Variants in DNAH8 observed in about 807,000 individuals in gnomAD.
The protein encoded by DNAH8 is dynein axonemal heavy chain 8, also known as axonemal beta dynein heavy chain 8.
DNAH8 carries 382 observed loss-of-function variants against 562.1 expected under a neutral mutation model. The ratio of observed to expected loss-of-function variants is 0.68; its 90% CI spans 0.63 to 0.74. The LOEUF (loss-of-function observed/expected upper bound fraction) is 0.74, where lower values mean the gene tolerates loss of function less well. Among genes scored for constraint, DNAH8 ranks in the 30% least tolerant of loss-of-function variants. The probability of loss-of-function intolerance (pLI) is 0.00; values close to 1 mark genes in which losing one functional copy is unlikely to be tolerated. For missense variants in DNAH8, 5,203 were observed against 5,620.4 expected (o/e 0.93, Z 2.37); for synonymous variants, 1,881 against 1,919.4 (o/e 0.98, Z 0.52).
At chr6:39,016,583 T>C (rs1484075633) in intron 91 of DNAH8, among the ~76,000 whole-genome samples, 2 of 151,672 alleles carry the variant, frequency 1.3e-5, no homozygotes, top group Non-Finnish European at 2.9e-5. Context: ...GCCCTACATA[T>C]TTAAGTAAAA....
At chr6:38,855,872 G>A (rs552370166) in intron 41 of DNAH8, among the ~76,000 whole-genome samples, 23 of 152,256 alleles carry the variant, frequency 1.5e-4, no homozygotes, top group Admixed American at 5.9e-4. Flanking sequence ...GGCGGCATGA[G>A]ATTCTCAGAG....
chr6:38,969,683 G>T (rs1378886257), intron 82 of DNAH8, among the ~76,000 whole-genome samples: 121 of 139,466 alleles, frequency 8.7e-4, no homozygotes, highest in African/African-American at 2.7e-3. Context: ...GGATAGGGGG[G>T]TGGTGAGATA....
At chr6:38,966,632 A>G (rs2150678232) in intron 82 of DNAH8, among the ~76,000 whole-genome samples, 1 of 152,318 alleles carries the variant, frequency 6.6e-6, no homozygotes, top group South Asian at 2.1e-4. Context: ...ATTATACACT[A>G]TGACCAAGTG....
At chr6:39,004,073 G>A (rs1765650379) in intron 88 of DNAH8, among the ~76,000 whole-genome samples, 1 of 151,526 alleles carries the variant, frequency 6.6e-6, no homozygotes, top group South Asian at 2.1e-4. Flanking sequence ...TTCTTATTTT[G>A]GTCTAAAATT....
intron 92 of DNAH8, among the ~76,000 whole-genome samples, chr6:39,026,955 T>C (rs1400761952): frequency 6.6e-6 from 1 of 152,208 alleles, no homozygotes. Flanking sequence ...GTGCGGTGGC[T>C]CATGCCTATA....
intron 66 of DNAH8, among the ~76,000 whole-genome samples, chr6:38,913,623 G>A (rs771061950): frequency 2.6e-5 from 4 of 152,074 alleles, no homozygotes; most frequent in Admixed American, 6.6e-5. Context: ...ATGTAGCTAC[G>A]TGATATTCTT....
At chr6:38,892,120 G>A (rs1315202388) in intron 58 of DNAH8, among the ~76,000 whole-genome samples, 2 of 152,088 alleles carry the variant, frequency 1.3e-5, no homozygotes, top group African/African-American at 2.4e-5. Flanking sequence ...CCTCATTAAA[G>A]TCCCCCTTCT....
intron 41 of DNAH8, among the ~76,000 whole-genome samples, chr6:38,855,508 T>C (rs947506938): frequency 5.3e-5 from 8 of 152,324 alleles, no homozygotes; most frequent in Middle Eastern, 3.4e-3. Flanking sequence ...CTTTGTTCTT[T>C]TTTTAAATTG....
At chr6:38,718,766 C>G (rs971650121) in intron 1 of DNAH8, among the ~76,000 whole-genome samples, 1 of 152,186 alleles carries the variant, frequency 6.6e-6, no homozygotes, top group African/African-American at 2.4e-5. Context: ...TGTATAAAAA[C>G]CACATTTATT....
chr6:38,818,778 G>A (rs1048854825), intron 26 of DNAH8, among the ~76,000 whole-genome samples: 2 of 152,168 alleles, frequency 1.3e-5, no homozygotes, highest in African/African-American at 4.8e-5. Flanking sequence ...GGTAAACCTG[G>A]TCTGTATTCT....
rs1761706683 is a variant in DNAH8 at position 38,949,471 on chromosome 6, G to A, written c.12149G>A (p.Gly4050Glu). The A allele has an allele frequency of 1.2e-6, 2 of 1,611,286 alleles. No homozygotes were observed. The highest frequency in any genetic ancestry group is 1.7e-6 in the Non-Finnish European group (2 of 1,177,586). Residue 4050 changes from glycine to glutamate, a missense_variant, in exon 81 of 93, where the codon GGG becomes GAG. By Grantham distance (98) the Gly-to-Glu change is moderately conservative (BLOSUM62 -2). This residue lies in a region of DNAH8 where 1,399 missense variants were observed against 1,518.4 expected (regional missense o/e 0.92). Coordinates refer to ENST00000327475, the MANE Select transcript of DNAH8 (RefSeq NM_001206927.2). ...TTTTAGATATCTCGTAATGAGAAGGGGTGGAAAAGCTGGTTTGATAAAGAT... is the reference window on the plus strand; with the variant it reads ...TTTTAGATATCTCGTAATGAGAAGGAGTGGAAAAGCTGGTTTGATAAAGAT... ...IMNQISRNEK[G>E]WKSWFDKDAP...
At chr6:39,009,502 C>G (rs1412794260) in intron 89 of DNAH8, among the ~76,000 whole-genome samples, 1 of 152,074 alleles carries the variant, frequency 6.6e-6, no homozygotes, top group African/African-American at 2.4e-5. Context: ...ACCCTGTTAC[C>G]AATCTGAAGT....
intron 33 of DNAH8, among the ~76,000 whole-genome samples, chr6:38,840,889 G>T (rs942353831): frequency 6.6e-6 from 1 of 152,074 alleles, no homozygotes; most frequent in African/African-American, 2.4e-5. Context: ...TAAGAAGCCT[G>T]GAGGATGATG....
At position 38,866,669 on chromosome 6, in the gene DNAH8, G is replaced by T. The variant is rs746359026; in HGVS notation, c.6577G>T (p.Asp2193Tyr). ...TAGAACTGTTGCTATGATGGTTCCTGATAGACAGGTATGCACTAGGATTTA... is the reference window on the plus strand; with the variant it reads ...TAGAACTGTTGCTATGATGGTTCCTTATAGACAGGTATGCACTAGGATTTA... ...QFRTVAMMVP[D>Y]RQIIMRVKLA... Residue 2193 changes from aspartate to tyrosine, a missense_variant, in exon 46 of 93, where the codon GAT becomes TAT. By Grantham distance (160) the Asp-to-Tyr change is radical. Around this residue, in one of 6 missense-constraint regions of DNAH8, gnomAD observed 2,176 missense variants for 2,365.1 expected, o/e 0.92. Transcript: ENST00000327475. 1 of 1,612,022 alleles carries T rather than the reference G, an allele frequency of 6.2e-7. No individual in the cohort carries two copies. Among genetic ancestry groups the T allele is most frequent in the Non-Finnish European group, 8.5e-7 (1 of 1,179,212 alleles).
intron 82 of DNAH8, among the ~76,000 whole-genome samples, chr6:38,957,618 C>T (rs897946083): frequency 6.6e-6 from 1 of 151,380 alleles, no homozygotes; most frequent in Non-Finnish European, 1.5e-5. Context: ...AAACTGGAAA[C>T]CTACCAAGTA....
rs750357851 is a variant in DNAH8 at position 38,926,201 on chromosome 6, T to C, written c.11109T>C (p.Asn3703=). Residue 3703 remains asparagine, a synonymous_variant, in exon 74 of 93, where the codon AAT becomes AAC. Transcript: ENST00000327475. ...GGATTAAATCAAAGGAAAAAGAAAA[T>C]GATTTACAGGTATGTAGCATTTGGT... The part of the protein sequence containing the change: ...KTWIKSKEKE[N]DLQVTSLNHK... 2 of 1,613,274 alleles carry C rather than the reference T, an allele frequency of 1.2e-6. No individual in the cohort carries two copies. The highest frequency in any genetic ancestry group is 1.1e-5 in the South Asian group (1 of 90,992).
At chr6:38,822,766 C>T in intron 26 of DNAH8, 72 bp from the exon 27 acceptor site, 5 of 1,131,758 alleles carry the variant, frequency 4.4e-6, no homozygotes, top group Middle Eastern at 3.1e-4. Flanking sequence ...AAAAGAATCA[C>T]AAATATTAAA....
At chr6:38,903,662 G>A (rs1351156164) in intron 62 of DNAH8, among the ~76,000 whole-genome samples, 2 of 144,112 alleles carry the variant, frequency 1.4e-5, no homozygotes, top group South Asian at 2.2e-4. Context: ...ACACAGGCTG[G>A]AGTGCAGTGG....
chr6:38,890,906 AC>A lies in DNAH8; in HGVS notation c.8583+146del, dbSNP rs113136781. On this transcript the variant is annotated intron_variant, in intron 58 of 92. Coordinates refer to ENST00000327475, the MANE Select transcript of DNAH8 (RefSeq NM_001206927.2). Reference sequence around the variant, plus strand: ...AATTACGTGCTCAAATAGATTTACAACACCTTTTCCTTCCAGGGAGCAAATG... The same window carrying A: ...AATTACGTGCTCAAATAGATTTACAAACCTTTTCCTTCCAGGGAGCAAATG... 1.7e-3 allele frequency: 1,064 copies of A among 609,030 alleles called. 5 individuals carry two copies. Among genetic ancestry groups the A allele is most frequent in the African/African-American group, 0.017 (928 of 54,062 alleles). 37.7% of individuals were successfully genotyped at this position (609,030 alleles called of 1,614,324 possible). A position where few individuals can be genotyped will look rare whatever the true frequency, so the allele number is the denominator to read the frequency against.
Sources: gnomAD v4.1 joint callset for allele counts (sites outside exome capture counted in the v4.1 genomes callset) on GRCh38, gnomAD v4.1.1 for gene constraint, gnomAD v4.1.1 regional missense constraint, MANE v1.5 for transcripts, NCBI Gene and HGNC (gene_info 2026-07-23, HGNC 2026-07-21) for gene names.